MAML3: variants seen among roughly 807,000 people sequenced by gnomAD.
MAML3 encodes the protein mastermind like transcriptional coactivator 3, also known as mastermind-like protein 3.
In MAML3, 27 loss-of-function variants were observed where a neutral mutation model predicts 101.9. The observed-to-expected ratio is 0.27, with a 90% confidence interval of 0.20 to 0.37. The LOEUF (loss-of-function observed/expected upper bound fraction) is 0.37. MAML3 is among the 10% of genes least tolerant of loss of function. The pLI is 1.00. For missense variants in MAML3, 1,316 were observed against 1,444.9 expected (o/e 0.91, Z 1.45); for synonymous variants, 501 against 555.9 (o/e 0.90, Z 1.39).
At chr4:139,878,896 G>A (rs562324761) in intron 2 of MAML3, among the ~76,000 whole-genome samples, 7 of 152,258 alleles carry the variant, frequency 4.6e-5, no homozygotes, top group South Asian at 2.1e-4. Context: ...TTTGCGGTCT[G>A]TCTTTCTATA....
intron 2 of MAML3, among the ~76,000 whole-genome samples, chr4:139,786,071 T>C (rs773453785): frequency 3.9e-5 from 6 of 152,004 alleles, no homozygotes; most frequent in Non-Finnish European, 7.4e-5. Context: ...TAATCCGATA[T>C]GGCTGGTGTT....
intron 2 of MAML3, among the ~76,000 whole-genome samples, chr4:139,872,384 A>G (rs1732029160): frequency 6.6e-6 from 1 of 152,172 alleles, no homozygotes; most frequent in East Asian, 1.9e-4. Flanking sequence ...TGGAAAGAAA[A>G]GCCTGACGGA....
chr4:140,049,532 C>G (rs895588408), intron 1 of MAML3, among the ~76,000 whole-genome samples: 3 of 152,130 alleles, frequency 2.0e-5, no homozygotes, highest in African/African-American at 4.8e-5. Flanking sequence ...GCAGGCTGAG[C>G]TTAATATATT....
chr4:139,747,620 G>A (rs1048466441), intron 2 of MAML3, among the ~76,000 whole-genome samples: 1 of 151,982 alleles, frequency 6.6e-6, no homozygotes, highest in African/African-American at 2.4e-5. Context: ...CCTGAACCGG[G>A]AGGGTGGAGG....
At chr4:139,881,489 G>T (rs1443541216) in intron 2 of MAML3, among the ~76,000 whole-genome samples, 1 of 152,140 alleles carries the variant, frequency 6.6e-6, no homozygotes, top group East Asian at 1.9e-4. Context: ...TTGACCCAGT[G>T]AAATGGGCAG....
At chr4:139,996,017 C>G (rs1256769602) in intron 1 of MAML3, among the ~76,000 whole-genome samples, 3 of 151,950 alleles carry the variant, frequency 2.0e-5, no homozygotes, top group Non-Finnish European at 4.4e-5. Context: ...AAAATATTAT[C>G]TAACTTTTTC....
intron 1 of MAML3, among the ~76,000 whole-genome samples, chr4:140,138,697 C>T (rs1728936377): frequency 6.6e-6 from 1 of 152,116 alleles, no homozygotes; most frequent in Non-Finnish European, 1.5e-5. Context: ...GGACTGAAGT[C>T]CCACAGTGGA....
At chr4:139,753,206 C>T (rs1729555924) in intron 2 of MAML3, among the ~76,000 whole-genome samples, 1 of 152,150 alleles carries the variant, frequency 6.6e-6, no homozygotes, top group South Asian at 2.1e-4. Context: ...TTTAAGTGTA[C>T]AATTCAGTGG....
Position 139,747,866 on chromosome 4 carries a change from C to G in MAML3, c.2080-17199G>C, listed in dbSNP as rs370352355. ...GTTAGGAGTTCGACACAAGCCTGAT[C>G]GATACAGTGAAACCCCATCTCTACC... is the stretch of plus-strand genomic sequence containing the variant. On this transcript the variant is annotated intron_variant, in intron 2 of 4. Coordinates refer to ENST00000509479, the MANE Select transcript of MAML3 (RefSeq NM_018717.5). 9.9e-5 allele frequency among the ~76,000 whole-genome samples: 15 copies of G among 151,768 alleles called. No individual in the cohort carries two copies. The South Asian group carries it at 1.3e-3, about 13-fold the overall frequency.
intron 2 of MAML3, among the ~76,000 whole-genome samples, chr4:139,804,015 A>C (rs1033656420): frequency 1.3e-5 from 2 of 152,160 alleles, no homozygotes; most frequent in Non-Finnish European, 2.9e-5. Flanking sequence ...TATTACAGAA[A>C]AAGCTGGGGA....
At chr4:139,744,831 C>T (rs559151546) in intron 2 of MAML3, among the ~76,000 whole-genome samples, 8 of 152,164 alleles carry the variant, frequency 5.3e-5, no homozygotes, top group Non-Finnish European at 1.2e-4. Context: ...TGTTTCCATT[C>T]GATTTCCATA....
chr4:140,151,252 C>G (rs774181073), intron 1 of MAML3, among the ~76,000 whole-genome samples: 126 of 151,838 alleles, frequency 8.3e-4, no homozygotes, highest in Non-Finnish European at 1.5e-3. Flanking sequence ...GAAGGTGCTG[C>G]CGGCGGGACT....
chr4:139,729,156 C>CAAAAAAAAAAAAA (rs4057275), intron 3 of MAML3, among the ~76,000 whole-genome samples: 2 of 81,704 alleles, frequency 2.4e-5, no homozygotes, highest in Admixed American at 1.4e-4. Flanking sequence ...GGAACAAAAG[C>CAAAAAAAAAAAAA]AAAAAAAAAA....
chr4:139,909,634 C>T (rs1384829145), intron 1 of MAML3, among the ~76,000 whole-genome samples: 1 of 151,972 alleles, frequency 6.6e-6, no homozygotes, highest in African/African-American at 2.4e-5. Flanking sequence ...GTCAGGGGTT[C>T]AAGACCAGCC....
chr4:139,727,784 C>T (rs1349377835), intron 3 of MAML3, among the ~76,000 whole-genome samples: 1 of 152,110 alleles, frequency 6.6e-6, no homozygotes, highest in Non-Finnish European at 1.5e-5. Context: ...ATGTAAGATC[C>T]CAAATCCTTC....
At chr4:140,006,015 T>A (rs1726436376) in intron 1 of MAML3, among the ~76,000 whole-genome samples, 1 of 152,224 alleles carries the variant, frequency 6.6e-6, no homozygotes, top group African/African-American at 2.4e-5. Context: ...CAGACATTCA[T>A]TATTCAGTCT....
At chr4:139,772,168 A>G (rs1181136969) in intron 2 of MAML3, among the ~76,000 whole-genome samples, 13 of 119,556 alleles carry the variant, frequency 1.1e-4, no homozygotes, top group Non-Finnish European at 1.6e-4. Flanking sequence ...TGAACCCGGG[A>G]GGCGCAGTTT....
chr4:139,980,994 TG>T (rs1018953916), intron 1 of MAML3, among the ~76,000 whole-genome samples: 12 of 152,192 alleles, frequency 7.9e-5, no homozygotes, highest in African/African-American at 2.9e-4. Context: ...AGAATGCCAA[TG>T]TTGTTTTTAA....
rs953995845 is a variant in MAML3, at chr4:139,728,249, C to T, written c.2331+2167G>A. ...CAAACAAAAAAAAGTTGAGCACTTA[C>T]TCCTTGTAGACCTGCACTTGGACAA... On this transcript the variant is annotated intron_variant, in intron 3 of 4. Coordinates refer to ENST00000509479, the MANE Select transcript of MAML3 (RefSeq NM_018717.5). Among the ~76,000 whole-genome samples the T allele has an allele frequency of 5.3e-5, 8 of 152,234 alleles. No individual in the cohort carries two copies. In the East Asian group the frequency reaches 7.7e-4, roughly 15 times the overall value.
Sources: allele counts gnomAD v4.1 joint callset (sites outside exome capture counted in the v4.1 genomes callset), GRCh38; gene constraint gnomAD v4.1.1; transcripts MANE v1.5; gene names NCBI Gene and HGNC (gene_info 2026-07-23, HGNC 2026-07-21).